Variants in PLCB1 observed in about 807,000 individuals in gnomAD.
PLCB1 encodes the protein phospholipase C beta 1.
Under a neutral mutation model 161.8 loss-of-function variants are expected in PLCB1, and 46 were observed. That is an observed-to-expected ratio of 0.28 (90% confidence interval 0.22 to 0.36). The LOEUF is 0.36. PLCB1 is among the 10% of genes least tolerant of loss of function. The pLI is 1.00. For synonymous variants in PLCB1, 517 were observed against 503.7 expected, an observed-to-expected ratio of 1.03 and a Z score of -0.35; for missense variants, 1,016 against 1,472.5, an observed-to-expected ratio of 0.69 and a Z score of 5.07.
chr20:8,685,221 A>AGCCTCCC, intron 10 of PLCB1, 143 bp downstream of exon 10: 1 of 725,544 alleles, frequency 1.4e-6, no homozygotes, highest in Non-Finnish European at 2.4e-6. Flanking sequence ...CCACCACTAA[A>AGCCTCCC]GCCTCCCGCC....
chr20:8,382,737 C>T (rs58875359), intron 3 of PLCB1, among the ~76,000 whole-genome samples: 33 of 151,892 alleles, frequency 2.2e-4, no homozygotes, highest in East Asian at 7.8e-4. Flanking sequence ...TTAGTAGAGA[C>T]GGGGTTTCAC....
rs995638595 is a variant in PLCB1 at position 8,697,607 on chromosome 20, T to A, written c.1010-19T>A. The A allele has an allele frequency of 6.2e-7, 1 of 1,613,584 alleles. No homozygotes were observed. Among genetic ancestry groups the A allele is most frequent in the African/African-American group, 1.3e-5 (1 of 75,030 alleles). On this transcript the variant is annotated intron_variant, in intron 10 of 31. Coordinates refer to ENST00000338037, the MANE Select transcript of PLCB1 (RefSeq NM_015192.4). ...TTGCTTCATGGGAATCTGGGGTTTG[T>A]TTTGTTGGTGTTTTATAGCTGGCCA...
chr20:8,380,521 T>C (rs1022917697), intron 3 of PLCB1, among the ~76,000 whole-genome samples: 1 of 152,220 alleles, frequency 6.6e-6, no homozygotes, highest in African/African-American at 2.4e-5. Context: ...GTATTGAATC[T>C]ATAAATTATT....
chr20:8,496,329 C>CA (rs71331309), intron 3 of PLCB1, among the ~76,000 whole-genome samples: 4,208 of 91,736 alleles, frequency 0.046, 144 homozygotes, highest in African/African-American at 0.1. Flanking sequence ...CCCATCTCTG[C>CA]AAAAAAAAAA....
intron 2 of PLCB1, among the ~76,000 whole-genome samples, chr20:8,318,767 G>A (rs1984774278): frequency 6.6e-6 from 1 of 152,060 alleles, no homozygotes; most frequent in South Asian, 2.1e-4. Context: ...TGTTTTCAGT[G>A]GGCCAATAAG....
At chr20:8,778,147 G>A (rs1166066808) in intron 27 of PLCB1, among the ~76,000 whole-genome samples, 1 of 152,084 alleles carries the variant, frequency 6.6e-6, no homozygotes, top group Non-Finnish European at 1.5e-5. Context: ...ATTCCCCAAG[G>A]AAAGACACAT....
intron 23 of PLCB1, among the ~76,000 whole-genome samples, chr20:8,746,076 C>T (rs914523668): frequency 6.6e-6 from 1 of 152,126 alleles, no homozygotes; most frequent in Admixed American, 6.6e-5. Flanking sequence ...GGACTACAGG[C>T]ACCCACCACC....
chr20:8,601,458 G>A (rs1011618516), intron 3 of PLCB1, among the ~76,000 whole-genome samples: 5 of 152,164 alleles, frequency 3.3e-5, no homozygotes, highest in African/African-American at 7.2e-5. Context: ...CCACTTATAA[G>A]TGAGAACGTG....
At chr20:8,174,869 C>A (rs1301133709) in intron 2 of PLCB1, among the ~76,000 whole-genome samples, 1 of 151,896 alleles carries the variant, frequency 6.6e-6, no homozygotes, top group Non-Finnish European at 1.5e-5. Flanking sequence ...GCCAAGATAG[C>A]AAATTCCATC....
At chr20:8,540,250 A>T (rs777867593) in intron 3 of PLCB1, among the ~76,000 whole-genome samples, 20 of 152,036 alleles carry the variant, frequency 1.3e-4, no homozygotes, top group Non-Finnish European at 2.5e-4. Flanking sequence ...CTATTACTTG[A>T]TATTCTCTTG....
At position 8,810,786 on chromosome 20, in the gene PLCB1, A is replaced by G. The variant is rs148996713; in HGVS notation, c.3423+20525A>G. 2.8e-3 allele frequency among the ~76,000 whole-genome samples: 430 copies of G among 152,292 alleles called. 5 individuals are homozygous for G. The highest frequency in any genetic ancestry group is 1.0e-2 in the African/African-American group (415 of 41,548). ...TGAGACCAGCCTGGGCAACATGGCA[A>G]AACCCTATCTCTACAAAAAATACAA... is the stretch of plus-strand genomic sequence containing the variant. On this transcript the variant is annotated intron_variant, in intron 31 of 31. Transcript: ENST00000338037.
chr20:8,412,956 C>CAA (rs200920138), intron 3 of PLCB1, among the ~76,000 whole-genome samples: 69 of 100,834 alleles, frequency 6.8e-4, no homozygotes, highest in African/African-American at 2.1e-3. Flanking sequence ...CATCTGTGAC[C>CAA]AAAAAAAAAA....
chr20:8,675,524 A>G (rs1431414898), intron 9 of PLCB1, among the ~76,000 whole-genome samples: 1 of 152,214 alleles, frequency 6.6e-6, no homozygotes, highest in African/African-American at 2.4e-5. Flanking sequence ...TGCTCTTCCC[A>G]TCTGATTCAC....
chr20:8,291,583 G>A (rs1983385606), intron 2 of PLCB1, among the ~76,000 whole-genome samples: 2 of 152,146 alleles, frequency 1.3e-5, no homozygotes, highest in African/African-American at 4.8e-5. Context: ...TGATTTATTT[G>A]TTGATATTTG....
Position 8,848,251 on chromosome 20 carries a change from A to G in PLCB1, c.3424-33371A>G, listed in dbSNP as rs539285997. Among the ~76,000 whole-genome samples, 3 of 152,186 alleles carry G rather than the reference A, an allele frequency of 2.0e-5. No individual in the cohort carries two copies. The South Asian group carries it at 6.2e-4, about 32-fold the overall frequency. The stretch of plus-strand genomic sequence containing the variant: ...CCCAAGAACATGAGCTTATGATCCT[A>G]CGGAGTTAGGGTGTGCTGCCCTCCT... On this transcript the variant is annotated intron_variant, in intron 31 of 31. Coordinates refer to ENST00000338037, the MANE Select transcript of PLCB1 (RefSeq NM_015192.4).
Position 8,697,701 on chromosome 20 carries a change from T to A in PLCB1, c.1085T>A (p.Leu362Gln). The change falls in exon 11 of 32, where the codon CTG becomes CAG. Residue 362 changes from leucine (L) to glutamine (Q), a missense_variant. Around this residue, in one of 10 missense-constraint regions of PLCB1, gnomAD observed 56 missense variants for 126.3 expected, o/e 0.44. Transcript: ENST00000338037. ...VLLSGCRCVE[L>Q]DCWKGRTAEE... ...CTGTCTGGTTGTCGCTGTGTGGAGC[T>A]GGACTGCTGGAAGGGACGGACTGCA... is the stretch of plus-strand genomic sequence containing the variant. 6.2e-7 allele frequency: 1 copy of A among 1,614,208 alleles called. No individual in the cohort carries two copies. The highest frequency in any genetic ancestry group is 8.5e-7 in the Non-Finnish European group (1 of 1,180,026).
At chr20:8,629,057 C>A (rs966335649) in intron 4 of PLCB1, among the ~76,000 whole-genome samples, 2 of 152,168 alleles carry the variant, frequency 1.3e-5, no homozygotes, top group African/African-American at 4.8e-5. Context: ...TCTCTCTTAG[C>A]CTCATCCCTA....
chr20:8,416,675 A>G (rs1396996718), intron 3 of PLCB1, among the ~76,000 whole-genome samples: 1 of 152,106 alleles, frequency 6.6e-6, no homozygotes, highest in African/African-American at 2.4e-5. Context: ...ATGGGATTTA[A>G]CATGTATAGT....
intron 3 of PLCB1, among the ~76,000 whole-genome samples, chr20:8,543,631 A>AAAAAAAC (rs1985422469): frequency 6.6e-6 from 1 of 151,326 alleles, no homozygotes; most frequent in Non-Finnish European, 1.5e-5. Context: ...AAAAAAAAAA[A>AAAAAAAC]AAAACCTGTT....
Sources: allele counts gnomAD v4.1 joint callset (sites outside exome capture counted in the v4.1 genomes callset), GRCh38; gene constraint gnomAD v4.1.1; regional missense constraint gnomAD v4.1.1; transcripts MANE v1.5; gene names NCBI Gene and HGNC (gene_info 2026-07-23, HGNC 2026-07-21).